The following AGBL4 variants were observed in gnomAD, a reference collection of about 807,000 sequenced individuals.
AGBL4 encodes the protein AGBL carboxypeptidase 4, also known as cytosolic carboxypeptidase 6.
AGBL4 carries 58 observed loss-of-function variants against 66.4 expected under a neutral mutation model. The ratio of observed to expected loss-of-function variants is 0.87; its 90% CI spans 0.71 to 1.09. The LOEUF (loss-of-function observed/expected upper bound fraction) is 1.09, where lower values mean the gene tolerates loss of function less well. Among genes scored for constraint, AGBL4 ranks in the 50% least tolerant of loss-of-function variants. AGBL4 has a pLI of 0.00. For missense variants in AGBL4, 579 were observed against 631.0 expected, an observed-to-expected ratio of 0.92 and a Z score of 0.88; for synonymous variants, 234 against 222.9, an observed-to-expected ratio of 1.05 and a Z score of -0.44.
At chr1:49,029,535 G>T (rs2149033105) in intron 5 of AGBL4, among the ~76,000 whole-genome samples, 1 of 152,176 alleles carries the variant, frequency 6.6e-6, no homozygotes, top group East Asian at 1.9e-4. Flanking sequence ...AGACATTAAA[G>T]AAGATCTAAA....
chr1:49,159,630 C>G (rs947865228), intron 4 of AGBL4, among the ~76,000 whole-genome samples: 3 of 152,154 alleles, frequency 2.0e-5, no homozygotes, highest in Non-Finnish European at 4.4e-5. Flanking sequence ...TGGGGAAGTT[C>G]TCCTGGATAA....
intron 3 of AGBL4, among the ~76,000 whole-genome samples, chr1:49,592,881 T>C (rs2124094578): frequency 6.6e-6 from 1 of 152,250 alleles, no homozygotes; most frequent in African/African-American, 2.4e-5. Flanking sequence ...GCAATTCCAT[T>C]ACTGAGTATA....
chr1:49,115,844 C>T (rs568547051), intron 4 of AGBL4, among the ~76,000 whole-genome samples: 2 of 152,008 alleles, frequency 1.3e-5, no homozygotes, highest in South Asian at 4.2e-4. Context: ...ATTGACATTG[C>T]CTGAGTACAC....
chr1:49,124,235 A>G (rs529189690), intron 4 of AGBL4, among the ~76,000 whole-genome samples: 1 of 152,232 alleles, frequency 6.6e-6, no homozygotes, highest in Non-Finnish European at 1.5e-5. Context: ...GAGAAAAATT[A>G]ATTAAACTAT....
At chr1:48,617,087 G>C (rs563188167) in intron 9 of AGBL4, among the ~76,000 whole-genome samples, 37 of 152,286 alleles carry the variant, frequency 2.4e-4, no homozygotes, top group African/African-American at 8.9e-4. Flanking sequence ...AAAGGAGGGA[G>C]GGGGGAGCTG....
intron 6 of AGBL4, among the ~76,000 whole-genome samples, chr1:48,680,752 G>A (rs1042921391): frequency 1.1e-4 from 17 of 152,338 alleles, no homozygotes; most frequent in Admixed American, 1.0e-3. Flanking sequence ...ACTGTGGTGA[G>A]TGACAAGGAT....
chr1:48,879,690 T>C (rs1227040524), intron 5 of AGBL4, among the ~76,000 whole-genome samples: 1 of 152,172 alleles, frequency 6.6e-6, no homozygotes, highest in African/African-American at 2.4e-5. Flanking sequence ...ACTTATCTTA[T>C]CCTCACAACA....
At chr1:49,719,917 C>T (rs970352806) in intron 2 of AGBL4, among the ~76,000 whole-genome samples, 1 of 152,066 alleles carries the variant, frequency 6.6e-6, no homozygotes, top group African/African-American at 2.4e-5. Context: ...GCTTCCCCTT[C>T]CACCATGACT....
intron 3 of AGBL4, among the ~76,000 whole-genome samples, chr1:49,497,674 G>A (rs532329081): frequency 5.9e-5 from 9 of 152,004 alleles, no homozygotes; most frequent in Middle Eastern, 3.4e-3. Flanking sequence ...GGGCACGTTC[G>A]TTGAAAATAA....
chr1:49,183,052 C>G (rs1263516321), intron 4 of AGBL4, among the ~76,000 whole-genome samples: 1 of 152,108 alleles, frequency 6.6e-6, no homozygotes, highest in Admixed American at 6.5e-5. Context: ...TTCTATTCTA[C>G]TAAAAAGTGT....
At chr1:49,735,334 T>TGC (rs57275876) in intron 2 of AGBL4, among the ~76,000 whole-genome samples, 1 of 138,984 alleles carries the variant, frequency 7.2e-6, no homozygotes, top group Non-Finnish European at 1.6e-5. Context: ...TGTGTGTGTG[T>TGC]AGAGAGAGAG....
At chr1:48,726,251 A>G (rs892462166) in intron 6 of AGBL4, among the ~76,000 whole-genome samples, 3 of 152,324 alleles carry the variant, frequency 2.0e-5, no homozygotes, top group Admixed American at 6.5e-5. Flanking sequence ...AGCAGGTACC[A>G]TATTTTATTA....
chr1:49,142,322 C>G (rs1050074998), intron 4 of AGBL4, among the ~76,000 whole-genome samples: 4 of 152,112 alleles, frequency 2.6e-5, no homozygotes, highest in Admixed American at 1.3e-4. Flanking sequence ...CTCCCTCCCC[C>G]TCACTGTCCT....
intron 3 of AGBL4, among the ~76,000 whole-genome samples, chr1:49,261,336 G>A (rs1340580371): frequency 1.3e-5 from 2 of 152,130 alleles, no homozygotes; most frequent in Non-Finnish European, 2.9e-5. Flanking sequence ...AGGAAATAAA[G>A]GGTATTCAAT....
intron 3 of AGBL4, among the ~76,000 whole-genome samples, chr1:49,431,560 A>G (rs1645786686): frequency 6.6e-6 from 1 of 152,194 alleles, no homozygotes; most frequent in Non-Finnish European, 1.5e-5. Context: ...TTTCTTTAAC[A>G]ATGTCCCGGT....
chr1:48,857,570 A>T (rs1203765514), intron 6 of AGBL4, among the ~76,000 whole-genome samples: 2 of 152,014 alleles, frequency 1.3e-5, no homozygotes, highest in East Asian at 3.9e-4. Flanking sequence ...AAATACAAAA[A>T]ATTAGCCGGG....
At chr1:49,400,871 T>C (rs1214189551) in intron 3 of AGBL4, among the ~76,000 whole-genome samples, 1 of 152,182 alleles carries the variant, frequency 6.6e-6, no homozygotes, top group Admixed American at 6.5e-5. Flanking sequence ...CTGATTTCTC[T>C]AGCTAGGACA....
intron 3 of AGBL4, among the ~76,000 whole-genome samples, chr1:49,693,593 T>C (rs1158069167): frequency 6.6e-6 from 1 of 152,092 alleles, no homozygotes; most frequent in African/African-American, 2.4e-5. Context: ...TTAGTAAAAT[T>C]GTAATTTTTG....
intron 6 of AGBL4, among the ~76,000 whole-genome samples, chr1:48,695,960 G>A (rs1479015379): frequency 6.6e-6 from 1 of 151,850 alleles, no homozygotes; most frequent in Middle Eastern, 3.2e-3. Context: ...GGAGTTCAGC[G>A]CCACCTGGAT....
Sources: allele counts gnomAD v4.1 joint callset (sites outside exome capture counted in the v4.1 genomes callset), GRCh38; gene constraint gnomAD v4.1.1; transcripts MANE v1.5; gene names NCBI Gene and HGNC (gene_info 2026-07-23, HGNC 2026-07-21).